The following PLD5 variants were observed in gnomAD, a reference collection of about 807,000 sequenced individuals.
PLD5 encodes phospholipase D family member 5, also known as inactive phospholipase D5.
In PLD5, 36 loss-of-function variants were observed where a neutral mutation model predicts 61.1. The ratio of observed to expected loss-of-function variants is 0.59; its 90% CI spans 0.45 to 0.78. The LOEUF (loss-of-function observed/expected upper bound fraction) is 0.78. PLD5 is among the 30% of genes least tolerant of loss of function. The probability of loss-of-function intolerance (pLI) is 0.00; values close to 1 mark genes in which losing one functional copy is unlikely to be tolerated. For missense variants in PLD5, 515 were observed against 644.4 expected, an observed-to-expected ratio of 0.80 and a Z score of 2.17; for synonymous variants, 243 against 242.8, an observed-to-expected ratio of 1.00 and a Z score of -0.01.
At chr1:242,511,403 T>C (rs1004818982) in intron 1 of PLD5, among the ~76,000 whole-genome samples, 1 of 152,128 alleles carries the variant, frequency 6.6e-6, no homozygotes, top group African/African-American at 2.4e-5. Context: ...AATTAGAGTG[T>C]AGAGAGGGAA....
intron 1 of PLD5, among the ~76,000 whole-genome samples, chr1:242,399,199 C>T (rs1010284355): frequency 3.3e-5 from 5 of 152,188 alleles, no homozygotes; most frequent in Non-Finnish European, 7.3e-5. Context: ...GTCCTGTATT[C>T]TACACATAGT....
intron 1 of PLD5, among the ~76,000 whole-genome samples, chr1:242,407,668 C>A (rs1664317794): frequency 6.6e-6 from 1 of 151,766 alleles, no homozygotes; most frequent in Admixed American, 6.6e-5. Context: ...CAACCTCTGC[C>A]TATGGGGCTC....
intron 5 of PLD5, among the ~76,000 whole-genome samples, chr1:242,203,070 A>T (rs1669081984): frequency 6.6e-6 from 1 of 152,200 alleles, no homozygotes; most frequent in Non-Finnish European, 1.5e-5. Context: ...AGAAAGCCAA[A>T]CAACCACCCT....
At chr1:242,258,855 G>C (rs1558405421) in intron 4 of PLD5, among the ~76,000 whole-genome samples, 2 of 152,138 alleles carry the variant, frequency 1.3e-5, no homozygotes, top group Non-Finnish European at 2.9e-5. Flanking sequence ...AACCACTGTT[G>C]CAAAAAGTGA....
chr1:242,209,870 C>T (rs1282355941), intron 5 of PLD5, among the ~76,000 whole-genome samples: 1 of 152,202 alleles, frequency 6.6e-6, no homozygotes, highest in Non-Finnish European at 1.5e-5. Flanking sequence ...TCTTGGCTCA[C>T]TGCAACCTCT....
At chr1:242,475,352 A>G (rs12096995) in intron 1 of PLD5, among the ~76,000 whole-genome samples, 3,351 of 145,240 alleles carry the variant, frequency 0.023, 135 homozygotes, top group African/African-American at 0.081. Flanking sequence ...GAACCCGGGA[A>G]GCGGAGCTTG....
chr1:242,364,800 A>G (rs1661253185), intron 1 of PLD5, among the ~76,000 whole-genome samples: 1 of 152,224 alleles, frequency 6.6e-6, no homozygotes, highest in Non-Finnish European at 1.5e-5. Flanking sequence ...AAATGTAAAA[A>G]GGAAAAAGAA....
At chr1:242,140,160 T>C (rs1008862100) in intron 5 of PLD5, among the ~76,000 whole-genome samples, 1 of 152,182 alleles carries the variant, frequency 6.6e-6, no homozygotes, top group Non-Finnish European at 1.5e-5. Flanking sequence ...CACACCAACG[T>C]GTTCGGCACA....
intron 7 of PLD5, among the ~76,000 whole-genome samples, chr1:242,112,301 GT>G (rs1204376781): frequency 0.011 from 1,091 of 102,950 alleles, 17 homozygotes; most frequent in African/African-American, 0.046. Context: ...GTGTGTGTGT[GT>G]GTGTGTGTGT....
chr1:242,107,119 C>T (rs116294105), intron 8 of PLD5, among the ~76,000 whole-genome samples: 49 of 152,250 alleles, frequency 3.2e-4, no homozygotes, highest in African/African-American at 1.1e-3. Context: ...CTGCTGCATG[C>T]TCCAGTGCTC....
chr1:242,383,775 CA>C (rs1049203429), intron 1 of PLD5, among the ~76,000 whole-genome samples: 6 of 152,134 alleles, frequency 3.9e-5, no homozygotes, highest in Admixed American at 1.3e-4. Flanking sequence ...AAGCATATGA[CA>C]CAAAAATCTT....
chr1:242,355,301 G>C (rs1437024611), intron 1 of PLD5, among the ~76,000 whole-genome samples: 1 of 152,094 alleles, frequency 6.6e-6, no homozygotes, highest in Non-Finnish European at 1.5e-5. Flanking sequence ...CTCCTCACTT[G>C]TTATTCATCT....
At chr1:242,367,426 C>G (rs963538601) in intron 1 of PLD5, among the ~76,000 whole-genome samples, 1 of 152,278 alleles carries the variant, frequency 6.6e-6, no homozygotes, top group African/African-American at 2.4e-5. Context: ...CATCCCTTTC[C>G]TCCTACCCTG....
intron 2 of PLD5, among the ~76,000 whole-genome samples, chr1:242,346,900 T>G (rs1010733372): frequency 6.6e-6 from 1 of 152,228 alleles, no homozygotes; most frequent in Non-Finnish European, 1.5e-5. Flanking sequence ...AGTCAGAACA[T>G]GCAGTATTTG....
At chr1:242,162,788 T>TAGAC (rs1288619406) in intron 5 of PLD5, among the ~76,000 whole-genome samples, 1 of 152,084 alleles carries the variant, frequency 6.6e-6, no homozygotes, top group Non-Finnish European at 1.5e-5. Context: ...TAAATTAGAA[T>TAGAC]AGACAGACAG....
chr1:242,431,084 A>C (rs1665690532), intron 1 of PLD5, among the ~76,000 whole-genome samples: 1 of 152,208 alleles, frequency 6.6e-6, no homozygotes, highest in Admixed American at 6.5e-5. Flanking sequence ...ACATAACATA[A>C]AATATACCAT....
chr1:242,265,021 G>A (rs186379716), intron 4 of PLD5, among the ~76,000 whole-genome samples: 2 of 152,210 alleles, frequency 1.3e-5, no homozygotes, highest in East Asian at 1.9e-4. Flanking sequence ...CTATTCTGAC[G>A]CGAAGTGGTT....
intron 5 of PLD5, among the ~76,000 whole-genome samples, chr1:242,132,780 A>G (rs1395743522): frequency 6.6e-6 from 1 of 152,184 alleles, no homozygotes; most frequent in African/African-American, 2.4e-5. Context: ...CATGGGAATC[A>G]TAATGCCTGC....
At chr1:242,431,747 T>TTCA (rs1211882046) in intron 1 of PLD5, among the ~76,000 whole-genome samples, 1 of 152,212 alleles carries the variant, frequency 6.6e-6, no homozygotes, top group African/African-American at 2.4e-5. Context: ...CCACTGTCCC[T>TTCA]TCATCTGTGT....
Sources: allele counts gnomAD v4.1 joint callset (sites outside exome capture counted in the v4.1 genomes callset), GRCh38; gene constraint gnomAD v4.1.1; transcripts MANE v1.5; gene names NCBI Gene and HGNC (gene_info 2026-07-23, HGNC 2026-07-21).